Variants in EPB41L4A observed in about 807,000 individuals in gnomAD.
EPB41L4A encodes the protein erythrocyte membrane protein band 4.1 like 4A.
A neutral mutation model predicts 108.6 loss-of-function variants in EPB41L4A; 100 were observed. The ratio of observed to expected loss-of-function variants is 0.92; its 90% CI spans 0.78 to 1.09. The LOEUF is 1.09. Among genes scored for constraint, EPB41L4A ranks in the 50% least tolerant of loss-of-function variants. EPB41L4A has a pLI of 0.00. For synonymous variants in EPB41L4A, 319 were observed against 289.0 expected, an observed-to-expected ratio of 1.10 and a Z score of -1.05; for missense variants, 1,030 against 842.7, an observed-to-expected ratio of 1.22 and a Z score of -2.75.
Position 112,204,333 on chromosome 5 carries a change from T to C in EPB41L4A, c.1376+42A>G, listed in dbSNP as rs370740008. On this transcript the variant is annotated intron_variant, in intron 15 of 22. Coordinates refer to ENST00000261486, the MANE Select transcript of EPB41L4A (RefSeq NM_022140.5). Reference sequence around the variant, plus strand: ...TAAAGTCAGGCCTGGGACAAAATGCTTCTGTTGAAAGCTGCTAACAGAGAG... The same window carrying C: ...TAAAGTCAGGCCTGGGACAAAATGCCTCTGTTGAAAGCTGCTAACAGAGAG... 6.6e-5 allele frequency: 90 copies of C among 1,360,512 alleles called. No individual in the cohort carries two copies. In the African/African-American group the frequency reaches 9.6e-4, roughly 15 times the overall value. The allele number at this position is 1,360,512 out of a possible 1,614,324, so 84.3% of individuals were successfully genotyped here.
chr5:112,175,774 T>C (rs1226910350), intron 18 of EPB41L4A, among the ~76,000 whole-genome samples: 1 of 152,112 alleles, frequency 6.6e-6, no homozygotes, highest in African/African-American at 2.4e-5. Flanking sequence ...TTTGATTGCT[T>C]TCCTTGAATA....
In EPB41L4A at chr5:112,234,621, A is replaced by G. The variant is rs762346674; in HGVS notation, c.1087+13T>C. On this transcript the variant is annotated intron_variant, in intron 12 of 22. Coordinates refer to ENST00000261486, the MANE Select transcript of EPB41L4A (RefSeq NM_022140.5). ...CAAGGTTACATAGATAACTCAGGGG[A>G]ACCATGACTTACCAGCTGGCTGTGT... The G allele has an allele frequency of 3.1e-5, 50 of 1,611,630 alleles. No homozygotes were observed. The Admixed American group carries it at 8.3e-4, about 27-fold the overall frequency.
rs998192072 is a variant in EPB41L4A, at chr5:112,164,545, G to C, written c.*445C>G. ...CCAGTTAAAACAAAAAGGTCCTTCA[G>C]CACAACTGTGCTGTAGTTAAACCAT... On this transcript the variant is annotated 3_prime_UTR_variant, in exon 23 of 23. Transcript: ENST00000261486. 4.6e-5 allele frequency: 7 copies of C among 152,340 alleles called. No individual in the cohort carries two copies. Among genetic ancestry groups the C allele is most frequent in the African/African-American group, 1.7e-4 (7 of 41,442 alleles). 9.4% of individuals were successfully genotyped at this position (152,340 alleles called of 1,614,324 possible). A position where few individuals can be genotyped will look rare whatever the true frequency, so the allele number is the denominator to read the frequency against.
intron 1 of EPB41L4A, among the ~76,000 whole-genome samples, chr5:112,327,359 T>C (rs1220255651): frequency 6.6e-6 from 1 of 152,220 alleles, no homozygotes; most frequent in Non-Finnish European, 1.5e-5. Context: ...CCTTTAAGGA[T>C]GTAGCAATGT....
chr5:112,337,426 T>C (rs1161262121), intron 1 of EPB41L4A, among the ~76,000 whole-genome samples: 4 of 152,186 alleles, frequency 2.6e-5, no homozygotes, highest in African/African-American at 9.7e-5. Flanking sequence ...CTACTAATAA[T>C]TGCTAACATT....
At chr5:112,405,085 C>T (rs1234594323) in intron 1 of EPB41L4A, among the ~76,000 whole-genome samples, 4 of 152,214 alleles carry the variant, frequency 2.6e-5, no homozygotes, top group Non-Finnish European at 5.9e-5. Flanking sequence ...CAAAAAACTA[C>T]AGCAGAAATG....
At chr5:112,324,328 C>A (rs919565143) in intron 1 of EPB41L4A, among the ~76,000 whole-genome samples, 1 of 152,144 alleles carries the variant, frequency 6.6e-6, no homozygotes, top group African/African-American at 2.4e-5. Context: ...GAGAAAGTAA[C>A]CACAGTAGGA....
At position 112,168,897 on chromosome 5, in the gene EPB41L4A, T is replaced by G. The variant is rs1760408038; in HGVS notation, c.1851-77A>C. On this transcript the variant is annotated intron_variant, in intron 21 of 22. Transcript: ENST00000261486. ...AAATTAAGTTGGAAGAGAACTACAG[T>G]GTAGATATAAAACATTTCCATCAGC... 7 of 1,490,294 alleles carry G rather than the reference T, an allele frequency of 4.7e-6. No individual in the cohort carries two copies. The Admixed American group carries it at 6.7e-5, about 14-fold the overall frequency. The allele number at this position is 1,490,294 out of a possible 1,614,324, so 92.3% of individuals were successfully genotyped here.
intron 1 of EPB41L4A, among the ~76,000 whole-genome samples, chr5:112,359,214 A>G (rs546990818): frequency 6.6e-6 from 1 of 152,320 alleles, no homozygotes; most frequent in East Asian, 1.9e-4. Context: ...GATATTATGT[A>G]TATGTACACA....
At chr5:112,219,047 T>C (rs1747850921) in intron 12 of EPB41L4A, among the ~76,000 whole-genome samples, 1 of 152,248 alleles carries the variant, frequency 6.6e-6, no homozygotes, top group African/African-American at 2.4e-5. Flanking sequence ...TAGCAGTTAA[T>C]AAATTTCATC....
intron 1 of EPB41L4A, among the ~76,000 whole-genome samples, chr5:112,386,214 A>G (rs1760516665): frequency 6.6e-6 from 1 of 152,226 alleles, no homozygotes; most frequent in South Asian, 2.1e-4. Context: ...GGAAATGTAC[A>G]GTGAAGAAAT....
chr5:112,418,861 C>T, intron 1 of EPB41L4A, 80 bp downstream of exon 1: 5 of 1,138,896 alleles, frequency 4.4e-6, no homozygotes, highest in South Asian at 3.9e-5. Context: ...CCTCGACCCA[C>T]CGGTGACAGC....
At chr5:112,294,578 A>T (rs1753870901) in intron 2 of EPB41L4A, among the ~76,000 whole-genome samples, 1 of 152,188 alleles carries the variant, frequency 6.6e-6, no homozygotes, top group African/African-American at 2.4e-5. Flanking sequence ...GAGACATCAG[A>T]AACACCACAC....
chr5:112,210,019 G>A (rs1246735438), intron 12 of EPB41L4A, 37 bp from the exon 13 acceptor site: 3 of 1,230,680 alleles, frequency 2.4e-6, no homozygotes, highest in African/African-American at 3.0e-5. Context: ...GAAGAGAGAG[G>A]AAACAGTGAT....
At chr5:112,388,620 G>C (rs769552881) in intron 1 of EPB41L4A, among the ~76,000 whole-genome samples, 1 of 152,102 alleles carries the variant, frequency 6.6e-6, no homozygotes, top group African/African-American at 2.4e-5. Context: ...CCTCAAATGC[G>C]AAGGCTGCCT....
chr5:112,190,746 A>G (rs1040934352), intron 17 of EPB41L4A, among the ~76,000 whole-genome samples: 1 of 152,202 alleles, frequency 6.6e-6, no homozygotes, highest in Non-Finnish European at 1.5e-5. Context: ...AAAAAAACTA[A>G]TACTTGAATT....
rs957869436 is a variant in EPB41L4A at position 112,312,712 on chromosome 5, T to C, written c.100-5222A>G. On this transcript the variant is annotated intron_variant, in intron 1 of 22. Coordinates refer to ENST00000261486, the MANE Select transcript of EPB41L4A (RefSeq NM_022140.5). ...CACCAGCTCACACTTCTGTCCATTCTGCCCTAACTGACCTCTTCCAATAAC... is the reference window on the plus strand; with the variant it reads ...CACCAGCTCACACTTCTGTCCATTCCGCCCTAACTGACCTCTTCCAATAAC... 5.9e-5 allele frequency among the ~76,000 whole-genome samples: 9 copies of C among 152,364 alleles called. No individual in the cohort carries two copies. The South Asian group carries it at 1.9e-3, about 32-fold the overall frequency.
intron 3 of EPB41L4A, 128 bp from the exon 4 acceptor site, chr5:112,275,532 A>C: frequency 8.5e-7 from 1 of 1,179,900 alleles, no homozygotes; most frequent in East Asian, 2.9e-5. Context: ...CATAAGATAA[A>C]AACAGCAAGG....
intron 4 of EPB41L4A, among the ~76,000 whole-genome samples, chr5:112,271,411 G>A (rs186248087): frequency 2.1e-3 from 321 of 152,232 alleles, no homozygotes; most frequent in Non-Finnish European, 3.3e-3. Context: ...TAAGTACTTT[G>A]CAAGTACACT....
Sources: gnomAD v4.1 joint callset for allele counts (sites outside exome capture counted in the v4.1 genomes callset) on GRCh38, gnomAD v4.1.1 for gene constraint, MANE v1.5 for transcripts, NCBI Gene and HGNC (gene_info 2026-07-23, HGNC 2026-07-21) for gene names.